The following CORO7 variants were observed in gnomAD, a reference collection of about 807,000 sequenced individuals.
The protein encoded by CORO7 is coronin-7.
CORO7 carries 107 observed loss-of-function variants against 126.6 expected under a neutral mutation model. The ratio of observed to expected loss-of-function variants is 0.85; its 90% confidence interval spans 0.72 to 0.99. CORO7 has a LOEUF of 0.99. Among genes scored for constraint, CORO7 ranks in the 50% least tolerant of loss-of-function variants. The pLI is 0.00. For synonymous variants in CORO7, 603 were observed against 536.8 expected (o/e 1.12, Z -1.70); for missense variants, 1,314 against 1,255.8 (o/e 1.05, Z -0.70).
chr16:4,365,397 G>A (rs1206993772), intron 10 of CORO7, 94 bp downstream of exon 10: 3 of 1,512,744 alleles, frequency 2.0e-6, no homozygotes, highest in East Asian at 2.5e-5. Flanking sequence ...GGAAGACACA[G>A]AGGCCCTGTT....
chr16:4,365,465 G>A, intron 10 of CORO7, 26 bp downstream of exon 10: 48 of 1,556,418 alleles, frequency 3.1e-5, no homozygotes, highest in Non-Finnish European at 4.1e-5. Flanking sequence ...TGTGGATGTG[G>A]GTGGGAGCCC....
At position 4,358,413 on chromosome 16, in the gene CORO7, C is replaced by A. The variant is rs774960939; in HGVS notation, c.2411G>T (p.Arg804Leu). The A allele has an allele frequency of 1.5e-5, 24 of 1,612,540 alleles. No individual in the cohort carries two copies. Among genetic ancestry groups the A allele is most frequent in the Middle Eastern group, 1.7e-4 (1 of 6,030 alleles). ...GGCCACAGGCTCCAGGGAGGACTGA[C>A]GCAGCCGCAGGCACCGCATCAGCTC... ...EVELMRCLRL[R>L]QSSLEPVAFR... is the part of the protein sequence containing the mutation. Residue 804 changes from arginine to leucine, a missense_variant, in exon 24 of 28, where the codon CGT becomes CTT. Arg to Leu is a moderately radical substitution (Grantham distance 102). Coordinates refer to ENST00000251166, the MANE Select transcript of CORO7 (RefSeq NM_024535.5).
At chr16:4,416,318 G>T in intron 1 of CORO7, 141 bp downstream of exon 1, 1 of 1,228,150 alleles carries the variant, frequency 8.1e-7, no homozygotes, top group Non-Finnish European at 1.1e-6. Context: ...CCGGGGCCCT[G>T]GCCTGAAGGG....
chr16:4,371,915 C>T (rs951544348), intron 9 of CORO7: 1 of 152,102 alleles, frequency 6.6e-6, no homozygotes, highest in Non-Finnish European at 1.5e-5. Context: ...GACCCAGGAC[C>T]CCCTCGGGCC....
At chr16:4,363,778 G>T (rs1030994231) in intron 14 of CORO7, among the ~76,000 whole-genome samples, 34 of 151,528 alleles carry the variant, frequency 2.2e-4, no homozygotes, top group African/African-American at 7.8e-4. Flanking sequence ...CAGCACTTTG[G>T]GAGGCCGAGG....
chr16:4,361,769 G>C, intron 16 of CORO7: 1 of 868,616 alleles, frequency 1.2e-6, no homozygotes, highest in Non-Finnish European at 1.9e-6. Context: ...GACCCGGGCA[G>C]GTCACTAAAC....
chr16:4,394,562 G>A (rs2055516921), intron 7 of CORO7, among the ~76,000 whole-genome samples: 2 of 152,142 alleles, frequency 1.3e-5, no homozygotes, highest in South Asian at 4.1e-4. Flanking sequence ...CCTCCTTCAG[G>A]CCATCTATGT....
In CORO7 at chr16:4,360,475, T is replaced by C; in HGVS notation, c.1991A>G (p.Tyr664Cys). The C allele has an allele frequency of 6.2e-6, 10 of 1,612,458 alleles. No individual in the cohort carries two copies. The highest frequency in any genetic ancestry group is 7.6e-6 in the Non-Finnish European group (9 of 1,179,704). Residue 664 changes from tyrosine (Y) to cysteine (C), a missense_variant, in exon 20 of 28, where the codon TAC becomes TGC. Physicochemically the swap from Tyr to Cys is radical, Grantham distance 194. Transcript: ENST00000251166. ...GGGCTCAGGGCCACTCCGGGGCCTGTAGACCCGCACACGCCCATCCTTGCA... is the reference window on the plus strand; with the variant it reads ...GGGCTCAGGGCCACTCCGGGGCCTGCAGACCCGCACACGCCCATCCTTGCA... ...TVCKDGRVRV[Y>C]RPRSGPEPLQ...
chr16:4,365,493 T>A lies in CORO7; in HGVS notation c.838A>T (p.Lys280Ter), dbSNP rs201395121. 1 of 1,570,306 alleles carries A rather than the reference T, an allele frequency of 6.4e-7. No homozygotes were observed. The highest frequency in any genetic ancestry group is 1.4e-5 in the African/African-American group (1 of 73,760). Residue 280 changes from lysine (K) to a stop codon, truncating the protein, a stop_gained and splice_region_variant, in exon 10 of 28, where the codon AAG becomes TAG. Transcript: ENST00000251166. LOFTEE classifies it high-confidence loss of function. ...GGGAGCCCCAGCTTCTCACTCACCTTTCCTGCCAGGACCAGGAGCCCAGAG... is the reference window on the plus strand; with the variant it reads ...GGGAGCCCCAGCTTCTCACTCACCTATCCTGCCAGGACCAGGAGCCCAGAG... ...PDSGLLVLAGKGERQLYCYEV... is the reference protein window; with the variant it reads ...PDSGLLVLAG
chr16:4,402,177 G>T (rs1242690859), intron 6 of CORO7, among the ~76,000 whole-genome samples: 1 of 152,072 alleles, frequency 6.6e-6, no homozygotes, highest in Non-Finnish European at 1.5e-5. Context: ...TACCTCAGGT[G>T]ATCCGCCTGC....
rs182308506 is a variant in CORO7 at position 4,360,429 on chromosome 16, C to T, written c.2022+15G>A. 813 of 1,612,962 alleles carry T rather than the reference C, an allele frequency of 5.0e-4. 11 individuals carry two copies. The East Asian group carries it at 9.9e-3, about 20-fold the overall frequency. On this transcript the variant is annotated intron_variant, in intron 20 of 27. Transcript: ENST00000251166. The stretch of plus-strand genomic sequence containing the variant: ...AACCAGGTCTGAGGCCACTCCCCAG[C>T]CCCTGTGTGCTCACCTGCAGGGGCT...
chr16:4,380,932 C>G (rs2054933071), intron 9 of CORO7: 1 of 1,588,596 alleles, frequency 6.3e-7, no homozygotes, highest in Non-Finnish European at 8.5e-7. Flanking sequence ...GGCCCTGGGG[C>G]CTGGGGTGCA....
At chr16:4,377,832 C>A (rs1285989464) in intron 9 of CORO7, among the ~76,000 whole-genome samples, 1 of 152,184 alleles carries the variant, frequency 6.6e-6, no homozygotes, top group Admixed American at 6.5e-5. Flanking sequence ...GCACATTTTA[C>A]GGGGCTGGGA....
At chr16:4,373,644 C>A (rs1252033529) in intron 9 of CORO7, among the ~76,000 whole-genome samples, 2 of 152,146 alleles carry the variant, frequency 1.3e-5, no homozygotes, top group Admixed American at 1.3e-4. Flanking sequence ...CTCCTAGCTC[C>A]CATTACTGTC....
chr16:4,380,479 C>T (rs2054918087), intron 9 of CORO7, among the ~76,000 whole-genome samples: 1 of 152,262 alleles, frequency 6.6e-6, no homozygotes, highest in Non-Finnish European at 1.5e-5. Context: ...CTGCCTGCCC[C>T]CTCTTCCAGA....
chr16:4,377,204 G>A (rs1019917803), intron 9 of CORO7, among the ~76,000 whole-genome samples: 2 of 152,044 alleles, frequency 1.3e-5, no homozygotes, highest in Admixed American at 6.5e-5. Context: ...AGACCCTTGC[G>A]TCATCTTCCC....
chr16:4,404,169 A>G (rs9932461), intron 6 of CORO7, among the ~76,000 whole-genome samples: 110,439 of 152,182 alleles, frequency 0.73, 40,366 homozygotes, highest in Non-Finnish European at 0.77. Flanking sequence ...CCTGGGGCGG[A>G]ATGCTCAGGT....
rs1264607672 is a variant in CORO7 at position 4,364,281 on chromosome 16, CG to C, written c.1269del (p.Asp423GlufsTer13). ...AVMETPVGDA[D>X]ASEGFSSPPS... ...GGGGCGGCCCTGGTACTTACGCTTG[CG>C]TCTGCATCACCCACGGGTGTCTCCA... On this transcript the variant is annotated frameshift_variant, in exon 14 of 28. Coordinates refer to ENST00000251166, the MANE Select transcript of CORO7 (RefSeq NM_024535.5). LOFTEE classifies it high-confidence loss of function. 1.3e-6 allele frequency: 2 copies of C among 1,540,298 alleles called. No homozygotes were observed. The highest frequency in any genetic ancestry group is 2.8e-5 in the African/African-American group (2 of 71,970).
chr16:4,355,844 C>A (rs1361432623), intron 26 of CORO7, among the ~76,000 whole-genome samples: 1 of 152,174 alleles, frequency 6.6e-6, no homozygotes, highest in Non-Finnish European at 1.5e-5. Context: ...GTGGTGCAAT[C>A]ATGGCTCACT....
Sources: allele counts gnomAD v4.1 joint callset (sites outside exome capture counted in the v4.1 genomes callset), GRCh38; gene constraint gnomAD v4.1.1; transcripts MANE v1.5; gene names NCBI Gene and HGNC (gene_info 2026-07-23, HGNC 2026-07-21).